Variants in DGKB observed in about 807,000 individuals in gnomAD.
The protein encoded by DGKB is 90 kDa diacylglycerol kinase.
A neutral mutation model predicts 114.3 loss-of-function variants in DGKB; 67 were observed. That is an observed-to-expected ratio of 0.59 (90% CI 0.48 to 0.72). The LOEUF is 0.72. DGKB is among the 30% of genes least tolerant of loss of function. The pLI is 0.00. For synonymous variants in DGKB, 398 were observed against 323.1 expected (o/e 1.23, Z -2.49); for missense variants, 907 against 975.2 (o/e 0.93, Z 0.93).
chr7:14,825,050 A>ATATATG (rs2128109222), intron 2 of DGKB, among the ~76,000 whole-genome samples: 1 of 138,544 alleles, frequency 7.2e-6, no homozygotes, highest in Non-Finnish European at 1.5e-5. Context: ...ATATATATAT[A>ATATATG]TATATATCAC....
chr7:14,336,623 G>A (rs544031874), intron 23 of DGKB, among the ~76,000 whole-genome samples: 40 of 152,232 alleles, frequency 2.6e-4, no homozygotes, highest in Non-Finnish European at 3.2e-4. Context: ...AGACAGAAAG[G>A]AAAGAGAGCG....
intron 21 of DGKB, among the ~76,000 whole-genome samples, chr7:14,386,549 T>A (rs959411625): frequency 6.6e-6 from 1 of 152,192 alleles, no homozygotes; most frequent in African/African-American, 2.4e-5. Context: ...GACACTACCA[T>A]GTGCCAGTTG....
chr7:14,173,507 A>G (rs1478765604), intron 25 of DGKB, among the ~76,000 whole-genome samples: 3 of 152,178 alleles, frequency 2.0e-5, no homozygotes, highest in Non-Finnish European at 4.4e-5. Context: ...ATATTCTACT[A>G]ATAGAAAAAA....
In DGKB at chr7:14,939,025, A is replaced by G. The variant is rs145067105; in HGVS notation, c.-188+35671T>C. ...GCATTTAAGTACCAGATTCACACAC[A>G]TTGCTGTCCTATAAAGACCATAAGC... On this transcript the variant is annotated intron_variant, in intron 1 of 4. Coordinates refer to the DGKB transcript ENST00000437998. Among the ~76,000 whole-genome samples, 48 of 152,218 alleles carry G rather than the reference A, an allele frequency of 3.2e-4. 1 individual carries two copies. The East Asian group carries it at 6.2e-3, about 20-fold the overall frequency.
Position 14,672,425 on chromosome 7 carries a change from G to T in DGKB, c.1134+504C>A, listed in dbSNP as rs554386472. 7.9e-5 allele frequency among the ~76,000 whole-genome samples: 12 copies of T among 151,856 alleles called. No individual in the cohort carries two copies. The South Asian group carries it at 1.7e-3, about 21-fold the overall frequency. ...ACTTATTGAATTAAGTAATTATTTTGCAGGTAGTTAAATTTATTGTTCAAT... is the reference window on the plus strand; with the variant it reads ...ACTTATTGAATTAAGTAATTATTTTTCAGGTAGTTAAATTTATTGTTCAAT... On this transcript the variant is annotated intron_variant, in intron 13 of 25. Transcript: ENST00000402815.
At chr7:14,354,081 T>G (rs891946789) in intron 21 of DGKB, among the ~76,000 whole-genome samples, 8 of 152,158 alleles carry the variant, frequency 5.3e-5, no homozygotes, top group African/African-American at 1.9e-4. Context: ...TCCAATAACT[T>G]AAAAATACAG....
Position 14,583,086 on chromosome 7 carries a change from T to G in DGKB, c.1485A>C (p.Gly495=). Reference sequence around the variant, plus strand: ...CCAAAACCCAGCCCACGGTTCCATCTCCACCACAGGCTAACACTCTGAAGT... The same window carrying G: ...CCAAAACCCAGCCCACGGTTCCATCGCCACCACAGGCTAACACTCTGAAGT... ...VPDFRVLACG[G]DGTVGWVLDC... The change falls in exon 18 of 26, where the codon GGA becomes GGC. Residue 495 remains glycine (G), a synonymous_variant. Coordinates refer to ENST00000402815, the MANE Select transcript of DGKB (RefSeq NM_001350709.2). 14 of 1,613,452 alleles carry G rather than the reference T, an allele frequency of 8.7e-6. No individual in the cohort carries two copies. Among genetic ancestry groups the G allele is most frequent in the Non-Finnish European group, 1.2e-5 (14 of 1,179,638 alleles).
intron 2 of DGKB, chr7:14,816,372 T>C (rs1269563697): frequency 1.3e-5 from 2 of 152,096 alleles, no homozygotes; most frequent in Non-Finnish European, 2.9e-5. Flanking sequence ...ATAAACCTCA[T>C]GTTCCTTTTC....
rs779916273 is a variant in DGKB at position 14,682,534 on chromosome 7, T to C, written c.1035+19A>G. The C allele has an allele frequency of 6.4e-7, 1 of 1,558,728 alleles. No individual in the cohort carries two copies. The highest frequency in any genetic ancestry group is 8.8e-7 in the Non-Finnish European group (1 of 1,130,710). On this transcript the variant is annotated intron_variant, in intron 12 of 25. Transcript: ENST00000402815. Reference sequence around the variant, plus strand: ...CAGTGTGGGTGAATGCTGGGATTTGTTTTCCAATTTTTACTCACTGTGATC... The same window carrying C: ...CAGTGTGGGTGAATGCTGGGATTTGCTTTCCAATTTTTACTCACTGTGATC...
intron 21 of DGKB, among the ~76,000 whole-genome samples, chr7:14,420,471 A>C (rs2128762687): frequency 6.6e-6 from 1 of 152,194 alleles, no homozygotes; most frequent in Admixed American, 6.6e-5. Flanking sequence ...CAAACTGAGC[A>C]GATTTGGGTG....
At chr7:14,244,786 T>G (rs1428586532) in intron 23 of DGKB, among the ~76,000 whole-genome samples, 1 of 151,426 alleles carries the variant, frequency 6.6e-6, no homozygotes, top group African/African-American at 2.4e-5. Flanking sequence ...CCCTCTCACA[T>G]GTGAGGGCAC....
At chr7:14,890,683 G>C (rs944893243) in intron 1 of DGKB, among the ~76,000 whole-genome samples, 3 of 150,810 alleles carry the variant, frequency 2.0e-5, no homozygotes, top group Admixed American at 1.3e-4. Flanking sequence ...ATAGCACTGG[G>C]GAAAATACAC....
chr7:14,749,325 A>C (rs1833791990), intron 4 of DGKB, among the ~76,000 whole-genome samples: 2 of 152,194 alleles, frequency 1.3e-5, no homozygotes, highest in African/African-American at 4.8e-5. Context: ...GAAAGAGTAC[A>C]AAGTGTGAAA....
intron 13 of DGKB, among the ~76,000 whole-genome samples, chr7:14,636,340 C>A (rs1215235521): frequency 1.3e-5 from 2 of 151,662 alleles, no homozygotes; most frequent in African/African-American, 2.4e-5. Context: ...TCTAAATGCG[C>A]CCTCATTAGG....
intron 20 of DGKB, among the ~76,000 whole-genome samples, chr7:14,545,580 C>T (rs1370305464): frequency 2.0e-5 from 3 of 152,146 alleles, no homozygotes; most frequent in Non-Finnish European, 4.4e-5. Flanking sequence ...CTATGAAGAA[C>T]AAGTGACCAT....
intron 23 of DGKB, among the ~76,000 whole-genome samples, chr7:14,217,688 G>A (rs78960324): frequency 0.041 from 6,283 of 151,790 alleles, 341 homozygotes; most frequent in African/African-American, 0.12. Context: ...AAAATCATAC[G>A]TCCACATATA....
intron 1 of DGKB, among the ~76,000 whole-genome samples, chr7:14,950,349 G>C (rs1161800825): frequency 6.6e-6 from 1 of 151,598 alleles, no homozygotes; most frequent in African/African-American, 2.4e-5. Context: ...TTAGTCTCCA[G>C]TAAAAAAGAA....
chr7:14,710,253 A>T (rs1827132791), intron 6 of DGKB, among the ~76,000 whole-genome samples: 1 of 152,102 alleles, frequency 6.6e-6, no homozygotes, highest in Admixed American at 6.6e-5. Context: ...ATTTATTTCC[A>T]GGTATTTAAA....
chr7:14,494,214 TAA>T (rs1422984135), intron 20 of DGKB, among the ~76,000 whole-genome samples: 1 of 152,170 alleles, frequency 6.6e-6, no homozygotes, highest in East Asian at 1.9e-4. Flanking sequence ...AAGTATTCCT[TAA>T]AAGAGTATAT....
Sources: allele counts gnomAD v4.1 joint callset (sites outside exome capture counted in the v4.1 genomes callset), GRCh38; gene constraint gnomAD v4.1.1; transcripts MANE v1.5; gene names NCBI Gene and HGNC (gene_info 2026-07-23, HGNC 2026-07-21).